Variants in NXPE2 observed in about 807,000 individuals in gnomAD.
The protein encoded by NXPE2 is neurexophilin and PC-esterase domain family member 2.
NXPE2 carries 34 observed loss-of-function variants against 34.4 expected under a neutral mutation model. The observed-to-expected ratio is 0.99, with a 90% CI of 0.75 to 1.31. The LOEUF (loss-of-function observed/expected upper bound fraction) is 1.31. Ranked by LOEUF, NXPE2 falls within the 40% of genes most tolerant of loss-of-function variation. The pLI, the probability that NXPE2 is intolerant of heterozygous loss-of-function variation, is 0.00. For missense variants in NXPE2, 649 were observed against 672.5 expected, an observed-to-expected ratio of 0.97 and a Z score of 0.39; for synonymous variants, 235 against 231.3, an observed-to-expected ratio of 1.02 and a Z score of -0.15.
chr11:114,768,722 G>A, the NXPE2 span, among the ~76,000 whole-genome samples: 1 of 152,122 alleles, frequency 6.6e-6, no homozygotes, highest in East Asian at 1.9e-4. Flanking sequence ...TATTATTGGT[G>A]TATAGCAATG....
chr11:114,476,699 G>A, the NXPE2 span, among the ~76,000 whole-genome samples: 1 of 152,082 alleles, frequency 6.6e-6, no homozygotes, highest in Non-Finnish European at 1.5e-5. Flanking sequence ...CAGATCTCTT[G>A]AGAACTCACT....
the NXPE2 span, among the ~76,000 whole-genome samples, chr11:114,659,589 A>G: frequency 2.0e-5 from 3 of 152,164 alleles, no homozygotes; most frequent in African/African-American, 7.2e-5. Context: ...AGGGACAAAT[A>G]AGAAGTCACA....
At chr11:114,678,069 T>A (rs1429609593), upstream of NXPE2, among the ~76,000 whole-genome samples, 1 of 152,116 alleles carries the variant, frequency 6.6e-6, no homozygotes. Context: ...TGCAATGGTT[T>A]AGAGCAAGAG....
chr11:114,555,440 T>C, the NXPE2 span, among the ~76,000 whole-genome samples: 199 of 152,334 alleles, frequency 1.3e-3, no homozygotes, highest in African/African-American at 4.6e-3. Flanking sequence ...TTGGCCAGGA[T>C]GGTCTCGATT....
At chr11:114,528,861 C>T in the NXPE2 span, 1 of 654,992 alleles carries the variant, frequency 1.5e-6, no homozygotes, top group African/African-American at 1.8e-5. Flanking sequence ...AGCATGTTTT[C>T]ATCCTTACTA....
the NXPE2 span, among the ~76,000 whole-genome samples, chr11:114,653,235 TG>T: frequency 6.6e-6 from 1 of 152,138 alleles, no homozygotes; most frequent in African/African-American, 2.4e-5. Flanking sequence ...GGACTGGAGG[TG>T]CAAAAGGCAA....
chr11:114,524,139 G>A, the NXPE2 span, among the ~76,000 whole-genome samples: 1 of 152,162 alleles, frequency 6.6e-6, no homozygotes, highest in Non-Finnish European at 1.5e-5. Flanking sequence ...AGTAGTAAGG[G>A]AAGAAATGGA....
At chr11:114,469,116 T>TTTTTTC in the NXPE2 span, among the ~76,000 whole-genome samples, 1 of 135,536 alleles carries the variant, frequency 7.4e-6, no homozygotes, top group East Asian at 2.1e-4. Context: ...TAGCTTTTTT[T>TTTTTTC]TTTTTTTTTT....
chr11:114,586,395 G>A, the NXPE2 span, among the ~76,000 whole-genome samples: 3 of 152,106 alleles, frequency 2.0e-5, no homozygotes, highest in Non-Finnish European at 4.4e-5. Flanking sequence ...TATAGAAGTG[G>A]ACCCCAACTC....
the NXPE2 span, among the ~76,000 whole-genome samples, chr11:114,541,038 A>G: frequency 6.6e-6 from 1 of 151,884 alleles, no homozygotes; most frequent in African/African-American, 2.4e-5. Flanking sequence ...CCTGTGGGGT[A>G]GACCCAAAGC....
At chr11:114,479,611 A>C in the NXPE2 span, among the ~76,000 whole-genome samples, 1 of 152,052 alleles carries the variant, frequency 6.6e-6, no homozygotes, top group South Asian at 2.1e-4. Context: ...GGAGGAGTTA[A>C]TATTTTGGAC....
chr11:114,530,520 G>T, the NXPE2 span: 1 of 1,613,950 alleles, frequency 6.2e-7, no homozygotes, highest in Non-Finnish European at 8.5e-7. Context: ...GACCAGGTAG[G>T]TGCCATTGTT....
the NXPE2 span, among the ~76,000 whole-genome samples, chr11:114,562,452 A>G: frequency 1.3e-5 from 2 of 152,166 alleles, no homozygotes; most frequent in African/African-American, 2.4e-5. Context: ...CTCTGTGTCC[A>G]CCTTTACTGA....
the NXPE2 span, among the ~76,000 whole-genome samples, chr11:114,765,510 TG>T: frequency 6.6e-6 from 1 of 152,200 alleles, no homozygotes; most frequent in Non-Finnish European, 1.5e-5. Context: ...TTGTATATAC[TG>T]GGAAACCAAA....
At chr11:114,663,576 C>CTA in the NXPE2 span, among the ~76,000 whole-genome samples, 1 of 138,630 alleles carries the variant, frequency 7.2e-6, no homozygotes, top group Non-Finnish European at 1.6e-5. Context: ...TATCTATCAT[C>CTA]TCTATCTATC....
At chr11:114,786,824 C>CA in the NXPE2 span, among the ~76,000 whole-genome samples, 2 of 151,816 alleles carry the variant, frequency 1.3e-5, no homozygotes, top group Admixed American at 6.6e-5. Context: ...AAGAGCCCCC[C>CA]CATGCAAGCC....
chr11:114,802,917 G>C, the NXPE2 span, among the ~76,000 whole-genome samples: 1 of 139,556 alleles, frequency 7.2e-6, no homozygotes, highest in African/African-American at 2.6e-5. Context: ...AAAAAACGGA[G>C]AATTAGGAAC....
At chr11:114,797,313 G>C in the NXPE2 span, among the ~76,000 whole-genome samples, 80 of 152,260 alleles carry the variant, frequency 5.3e-4, no homozygotes, top group Non-Finnish European at 9.8e-4. Flanking sequence ...AAATTAGAAA[G>C]GTGAAACGAG....
chr11:114,580,214 T>A, the NXPE2 span: 5 of 1,614,092 alleles, frequency 3.1e-6, no homozygotes, highest in Admixed American at 8.3e-5. Context: ...CTCTCAGGCA[T>A]TCCTTCATTT....
Sources: allele counts gnomAD v4.1 joint callset (sites outside exome capture counted in the v4.1 genomes callset), GRCh38; gene constraint gnomAD v4.1.1; transcripts MANE v1.5; gene names NCBI Gene and HGNC (gene_info 2026-07-23, HGNC 2026-07-21).